ADGRL2: variants seen among roughly 807,000 people sequenced by gnomAD.
The protein encoded by ADGRL2 is calcium-independent alpha-latrotoxin receptor 2.
In ADGRL2, 44 loss-of-function variants were observed where a neutral mutation model predicts 157.4. That is an observed-to-expected ratio of 0.28 (90% confidence interval 0.22 to 0.36). The LOEUF (loss-of-function observed/expected upper bound fraction) is 0.36, where lower values mean the gene tolerates loss of function less well. Among genes scored for constraint, ADGRL2 ranks in the 10% least tolerant of loss-of-function variants. The probability of loss-of-function intolerance (pLI) is 1.00; values close to 1 mark genes in which losing one functional copy is unlikely to be tolerated. For synonymous variants in ADGRL2, 585 were observed against 624.7 expected (o/e 0.94, Z 0.95); for missense variants, 1,510 against 1,768.9 (o/e 0.85, Z 2.63).
rs528717877 is a variant in ADGRL2, at chr1:81,359,507, A to C, written c.-302+52998A>C. Among the ~76,000 whole-genome samples the C allele has an allele frequency of 2.6e-5, 4 of 152,162 alleles. No homozygotes were observed. The South Asian group carries it at 8.3e-4, about 32-fold the overall frequency. The stretch of plus-strand genomic sequence containing the variant: ...TACATATAAGTAATGCCAACTTGGT[A>C]CTTACTTGGTATTCAGTATACAGCA... On this transcript the variant is annotated intron_variant, in intron 1 of 24. Coordinates refer to the ADGRL2 transcript ENST00000370721.
rs561539086 is a variant in ADGRL2 at position 81,990,401 on chromosome 1, G to C, written c.3666G>C (p.Leu1222=). 4 of 1,613,080 alleles carry C rather than the reference G, an allele frequency of 2.5e-6. No individual in the cohort carries two copies. In the African/African-American group the frequency reaches 5.3e-5, roughly 22 times the overall value. Reference sequence around the variant, plus strand: ...CCTCTTCTGTTTCAGGACATTCACTGAACAATGCCAGGGATACAAGTGCCA... The same window carrying C: ...CCTCTTCTGTTTCAGGACATTCACTCAACAATGCCAGGGATACAAGTGCCA... The part of the protein sequence containing the change: ...PATYRETRHS[L]NNARDTSAMD... Residue 1222 remains leucine (L), a synonymous_variant, in exon 24 of 24, where the codon CTG becomes CTC. Transcript: ENST00000686636.
chr1:81,572,614 A>C (rs1009080148), intron 2 of ADGRL2, among the ~76,000 whole-genome samples: 4 of 152,238 alleles, frequency 2.6e-5, no homozygotes, highest in African/African-American at 9.6e-5. Context: ...TTTTCAAAAC[A>C]GAAGTAAAAA....
At chr1:81,912,760 TGAA>T (rs1331230856) in intron 3 of ADGRL2, among the ~76,000 whole-genome samples, 1 of 152,158 alleles carries the variant, frequency 6.6e-6, no homozygotes, top group Admixed American at 6.5e-5. Context: ...TTGATGATGA[TGAA>T]GATTTTTATT....
intron 1 of ADGRL2, among the ~76,000 whole-genome samples, chr1:81,307,387 C>A (rs529438748): frequency 2.1e-4 from 32 of 152,198 alleles, no homozygotes; most frequent in Non-Finnish European, 4.0e-4. Context: ...TTAATCACTC[C>A]TTAGTCATAT....
intron 2 of ADGRL2, among the ~76,000 whole-genome samples, chr1:81,484,550 G>A (rs2078459391): frequency 6.6e-6 from 1 of 152,168 alleles, no homozygotes; most frequent in Non-Finnish European, 1.5e-5. Context: ...AGCAGAAAGG[G>A]CCACTTTTAG....
At chr1:81,387,454 T>C (rs2076457802) in intron 1 of ADGRL2, among the ~76,000 whole-genome samples, 1 of 152,156 alleles carries the variant, frequency 6.6e-6, no homozygotes, top group African/African-American at 2.4e-5. Context: ...AGGCAGGTTG[T>C]ATTTATGATT....
chr1:81,781,861 G>A (rs550078774), intron 2 of ADGRL2, among the ~76,000 whole-genome samples: 5 of 152,166 alleles, frequency 3.3e-5, no homozygotes, highest in South Asian at 2.1e-4. Flanking sequence ...TATATTTCAC[G>A]GCCTAGGCAC....
chr1:81,916,131 T>C (rs983450524), intron 3 of ADGRL2, among the ~76,000 whole-genome samples: 1 of 152,178 alleles, frequency 6.6e-6, no homozygotes, highest in Non-Finnish European at 1.5e-5. Flanking sequence ...ATGTATTTAC[T>C]TACTGTCTAA....
chr1:81,759,303 A>G (rs774320389), intron 1 of ADGRL2, among the ~76,000 whole-genome samples: 3 of 152,150 alleles, frequency 2.0e-5, no homozygotes, highest in Non-Finnish European at 4.4e-5. Flanking sequence ...ACTGTCAGCT[A>G]CTGGAGTAAA....
At chr1:81,782,716 CTT>C (rs1001767040) in intron 2 of ADGRL2, among the ~76,000 whole-genome samples, 3 of 152,178 alleles carry the variant, frequency 2.0e-5, no homozygotes, top group African/African-American at 7.2e-5. Context: ...TGTTAAGAAT[CTT>C]TGCCAGAATG....
At chr1:81,382,736 G>A (rs968584713) in intron 1 of ADGRL2, among the ~76,000 whole-genome samples, 1 of 152,134 alleles carries the variant, frequency 6.6e-6, no homozygotes, top group African/African-American at 2.4e-5. Context: ...AACTTTGATT[G>A]ATACAATTGG....
chr1:81,804,405 G>A (rs924832291), intron 1 of ADGRL2, among the ~76,000 whole-genome samples: 1 of 152,194 alleles, frequency 6.6e-6, no homozygotes, highest in African/African-American at 2.4e-5. Flanking sequence ...AATTCTTACC[G>A]TTTGAAGGGG....
intron 3 of ADGRL2, among the ~76,000 whole-genome samples, chr1:81,616,705 C>G (rs1367489122): frequency 2.6e-5 from 2 of 78,336 alleles, no homozygotes; most frequent in Non-Finnish European, 5.0e-5. Flanking sequence ...GAGACAGGGT[C>G]TCGCTCTGTT....
At chr1:81,655,802 T>C (rs2082521230) in intron 3 of ADGRL2, among the ~76,000 whole-genome samples, 1 of 117,012 alleles carries the variant, frequency 8.5e-6, no homozygotes, top group African/African-American at 2.9e-5. Flanking sequence ...AATGGACATA[T>C]ATCGTATGGC....
intron 1 of ADGRL2, among the ~76,000 whole-genome samples, chr1:81,759,811 A>T (rs2085811500): frequency 6.6e-6 from 1 of 152,012 alleles, no homozygotes. Context: ...TCCTTCTCTG[A>T]CCTGTATTCA....
intron 17 of ADGRL2, among the ~76,000 whole-genome samples, chr1:81,979,418 G>A (rs778476449): frequency 2.6e-5 from 4 of 151,764 alleles, no homozygotes; most frequent in Middle Eastern, 6.8e-3. Flanking sequence ...GAATAGATTG[G>A]ACAGATGTTA....
At chr1:81,477,613 A>C (rs1287687377) in intron 2 of ADGRL2, among the ~76,000 whole-genome samples, 1 of 152,228 alleles carries the variant, frequency 6.6e-6, no homozygotes, top group African/African-American at 2.4e-5. Context: ...GCACTCCTGC[A>C]GTTTGTAGGA....
chr1:81,698,250 A>T (rs926058628), upstream of ADGRL2, among the ~76,000 whole-genome samples: 1 of 152,162 alleles, frequency 6.6e-6, no homozygotes, highest in Non-Finnish European at 1.5e-5. Context: ...ATGAAACTAG[A>T]TTGTCTTAGA....
At chr1:81,888,827 A>G (rs1304138766) in intron 2 of ADGRL2, among the ~76,000 whole-genome samples, 1 of 152,142 alleles carries the variant, frequency 6.6e-6, no homozygotes, top group Non-Finnish European at 1.5e-5. Flanking sequence ...TTCCAGCAGT[A>G]TGTGCTCACT....
Sources: allele counts gnomAD v4.1 joint callset (sites outside exome capture counted in the v4.1 genomes callset), GRCh38; gene constraint gnomAD v4.1.1; transcripts MANE v1.5; gene names NCBI Gene and HGNC (gene_info 2026-07-23, HGNC 2026-07-21).